The following PPIL6 variants were observed in gnomAD, a reference collection of about 807,000 sequenced individuals.
The protein encoded by PPIL6 is probable inactive peptidyl-prolyl cis-trans isomerase-like 6.
Under a neutral mutation model 36.8 loss-of-function variants are expected in PPIL6, and 39 were observed. That is an observed-to-expected ratio of 1.06 (90% confidence interval 0.82 to 1.38). PPIL6 has a LOEUF of 1.38. PPIL6 is among the 40% of genes most tolerant of loss of function. The pLI is 0.00. For synonymous variants in PPIL6, 123 were observed against 134.1 expected (o/e 0.92, Z 0.57); for missense variants, 368 against 379.1 (o/e 0.97, Z 0.24).
chr6:109,422,588 CA>C (rs200489203), intron 5 of PPIL6, among the ~76,000 whole-genome samples: 15 of 146,470 alleles, frequency 1.0e-4, no homozygotes, highest in Admixed American at 1.4e-4. Context: ...GACCCTGTCT[CA>C]AAAAAAAAAG....
chr6:109,405,297 G>A (rs1562258584), intron 6 of PPIL6, among the ~76,000 whole-genome samples: 1 of 152,074 alleles, frequency 6.6e-6, no homozygotes, highest in Non-Finnish European at 1.5e-5. Context: ...TTTCCTTATA[G>A]TTTTAACATC....
At position 109,440,544 on chromosome 6, in the gene PPIL6, G is replaced by A. The variant is rs1774789062; in HGVS notation, c.47C>T (p.Ser16Leu). 3.4e-6 allele frequency: 5 copies of A among 1,490,004 alleles called. No individual in the cohort carries two copies. The highest frequency in any genetic ancestry group is 4.5e-6 in the Non-Finnish European group (5 of 1,122,110). 92.3% of individuals were successfully genotyped at this position (1,490,004 alleles called of 1,614,324 possible). ...PCGPPHARCG[S>L]PSLPERPLQV... is the part of the protein sequence containing the mutation. ...CAGCGGCCGCTCCGGCAGCGACGGC[G>A]AGCCGCACCTAGCGTGCGGGGGCCC... The change falls in exon 1 of 8, where the codon TCG becomes TTG. Residue 16 changes from serine to leucine, a missense_variant. Physicochemically the swap from Ser to Leu is moderately radical, Grantham distance 145. Transcript: ENST00000521072.
intron 6 of PPIL6, among the ~76,000 whole-genome samples, chr6:109,415,343 C>T (rs1219067069): frequency 3.9e-5 from 6 of 152,150 alleles, no homozygotes; most frequent in South Asian, 2.1e-4. Context: ...GGAACCCTTC[C>T]GCCAGATTGT....
chr6:109,431,153 T>A lies in PPIL6; in HGVS notation c.420+4A>T. The A allele has an allele frequency of 6.3e-7, 1 of 1,589,230 alleles. No individual in the cohort carries two copies. Among genetic ancestry groups the A allele is most frequent in the Non-Finnish European group, 8.6e-7 (1 of 1,163,016 alleles). On this transcript the variant is annotated splice_donor_region_variant and intron_variant, in intron 3 of 7. Transcript: ENST00000521072. The stretch of plus-strand genomic sequence containing the variant: ...ATTTTTCTTTAAAAGTTAGTATAAC[T>A]TGCCTTGGTGTCTCTTAAGAACTTA...
chr6:109,439,617 G>C (rs914164256), intron 1 of PPIL6, among the ~76,000 whole-genome samples: 8 of 152,210 alleles, frequency 5.3e-5, no homozygotes, highest in African/African-American at 1.4e-4. Context: ...GATTATAGGC[G>C]TGAGTCACCG....
At chr6:109,406,439 C>T (rs1582540541) in intron 6 of PPIL6, among the ~76,000 whole-genome samples, 1 of 152,242 alleles carries the variant, frequency 6.6e-6, no homozygotes, top group South Asian at 2.1e-4. Context: ...AGTCCAGAGG[C>T]TTAGTCAGAC....
At chr6:109,428,938 C>A (rs759588928) in intron 3 of PPIL6, among the ~76,000 whole-genome samples, 2 of 152,082 alleles carry the variant, frequency 1.3e-5, no homozygotes, top group Non-Finnish European at 2.9e-5. Context: ...AACTTCCCTG[C>A]GCATCAAGAT....
intron 5 of PPIL6, among the ~76,000 whole-genome samples, chr6:109,423,350 A>C (rs570969036): frequency 6.6e-6 from 1 of 152,262 alleles, no homozygotes; most frequent in Non-Finnish European, 1.5e-5. Context: ...TGGATGACGG[A>C]GCGAAACTCT....
chr6:109,422,270 T>G (rs1773590641), intron 5 of PPIL6, among the ~76,000 whole-genome samples: 1 of 152,096 alleles, frequency 6.6e-6, no homozygotes, highest in African/African-American at 2.4e-5. Flanking sequence ...AAGGCTGCAG[T>G]GAGAGCCATG....
At chr6:109,429,914 A>C (rs1030365930) in intron 3 of PPIL6, among the ~76,000 whole-genome samples, 1 of 152,154 alleles carries the variant, frequency 6.6e-6, no homozygotes, top group Non-Finnish European at 1.5e-5. Context: ...ATCTTGACTG[A>C]AACTCATCTT....
chr6:109,422,831 G>A (rs1463475221), intron 5 of PPIL6, among the ~76,000 whole-genome samples: 2 of 152,138 alleles, frequency 1.3e-5, no homozygotes, highest in African/African-American at 2.4e-5. Flanking sequence ...TTAATTATTT[G>A]GTATGCTCGA....
chr6:109,402,335 A>G (rs1291268328), intron 6 of PPIL6, among the ~76,000 whole-genome samples: 1 of 152,196 alleles, frequency 6.6e-6, no homozygotes, highest in Non-Finnish European at 1.5e-5. Flanking sequence ...CAGGAGTTCG[A>G]GACCAGTCTG....
At position 109,391,911 on chromosome 6, in the gene PPIL6, A is replaced by G. The variant is rs963025604; in HGVS notation, c.*915T>C. On this transcript the variant is annotated 3_prime_UTR_variant, in exon 8 of 8. Transcript: ENST00000521072. The stretch of plus-strand genomic sequence containing the variant: ...TTGCTTTTTCTTCTGCATCATTCCT[A>G]TTTGGTTACTTACCAAGTTTCTCCT... 4 of 152,214 alleles carry G rather than the reference A, an allele frequency of 2.6e-5. No individual in the cohort carries two copies. Among genetic ancestry groups the G allele is most frequent in the African/African-American group, 9.6e-5 (4 of 41,452 alleles). 9.4% of individuals were successfully genotyped at this position (152,214 alleles called of 1,614,324 possible).
intron 6 of PPIL6, chr6:109,405,048 T>C (rs1439136186): frequency 5.2e-6 from 2 of 384,976 alleles, no homozygotes; most frequent in African/African-American, 4.6e-5. Context: ...AGAGACTCCG[T>C]CTCAAAAAAG....
intron 6 of PPIL6, among the ~76,000 whole-genome samples, chr6:109,414,063 G>A (rs1773131885): frequency 1.3e-5 from 2 of 152,138 alleles, no homozygotes; most frequent in African/African-American, 2.4e-5. Flanking sequence ...GAACAAGAGG[G>A]CAACTATAGT....
intron 5 of PPIL6, among the ~76,000 whole-genome samples, chr6:109,420,712 TC>T (rs1299778274): frequency 6.6e-6 from 1 of 152,220 alleles, no homozygotes; most frequent in African/African-American, 2.4e-5. Context: ...AATACAGTGC[TC>T]AATAAATATT....
chr6:109,438,513 A>G (rs1280482010), intron 1 of PPIL6, among the ~76,000 whole-genome samples: 1 of 152,178 alleles, frequency 6.6e-6, no homozygotes, highest in Non-Finnish European at 1.5e-5. Context: ...TTAATACAAT[A>G]AAGATATTGT....
At chr6:109,438,190 T>C (rs1174608512) in intron 1 of PPIL6, among the ~76,000 whole-genome samples, 3 of 152,116 alleles carry the variant, frequency 2.0e-5, no homozygotes, top group African/African-American at 7.2e-5. Flanking sequence ...GTTGGGAACA[T>C]TCAACACAAA....
chr6:109,394,759 G>A (rs1772229286), intron 7 of PPIL6, among the ~76,000 whole-genome samples: 1 of 152,242 alleles, frequency 6.6e-6, no homozygotes, highest in African/African-American at 2.4e-5. Flanking sequence ...TATGAAGCCT[G>A]TTCTCCAACA....
Sources: gnomAD v4.1 joint callset for allele counts (sites outside exome capture counted in the v4.1 genomes callset) on GRCh38, gnomAD v4.1.1 for gene constraint, MANE v1.5 for transcripts, NCBI Gene and HGNC (gene_info 2026-07-23, HGNC 2026-07-21) for gene names.